The following CHD1L variants were observed in gnomAD, a reference collection of about 807,000 sequenced individuals.
The protein encoded by CHD1L is chromodomain helicase DNA binding protein 1 like.
In CHD1L, 118 loss-of-function variants were observed where a neutral mutation model predicts 115.9. The ratio of observed to expected loss-of-function variants is 1.02; its 90% CI spans 0.88 to 1.19. The LOEUF (loss-of-function observed/expected upper bound fraction) is 1.19. Among genes scored for constraint, CHD1L ranks in the 50% most tolerant of loss-of-function variants. The pLI is 0.00. For synonymous variants in CHD1L, 411 were observed against 387.1 expected, an observed-to-expected ratio of 1.06 and a Z score of -0.72; for missense variants, 1,179 against 1,065.3, an observed-to-expected ratio of 1.11 and a Z score of -1.49.
intron 19 of CHD1L, among the ~76,000 whole-genome samples, chr1:147,288,016 C>T (rs915543415): frequency 6.6e-6 from 1 of 151,966 alleles, no homozygotes; most frequent in Non-Finnish European, 1.5e-5. Flanking sequence ...AATGTTGATC[C>T]CTGCATACAT....
chr1:147,261,253 AATTT>A (rs1671813489), intron 6 of CHD1L, among the ~76,000 whole-genome samples: 4 of 152,254 alleles, frequency 2.6e-5, no homozygotes, highest in Admixed American at 2.6e-4. Flanking sequence ...TATGAGCAGA[AATTT>A]ATTTATCACC....
the CHD1L span, among the ~76,000 whole-genome samples, chr1:147,232,073 C>T: frequency 1.3e-5 from 2 of 152,172 alleles, no homozygotes; most frequent in Admixed American, 1.3e-4. Context: ...ATCTTGGCTC[C>T]ACCCCCCAGA....
chr1:147,286,729 A>T (rs1683290255), intron 18 of CHD1L, among the ~76,000 whole-genome samples: 1 of 152,184 alleles, frequency 6.6e-6, no homozygotes. Flanking sequence ...TATCCATATG[A>T]TGGGACAATA....
chr1:147,232,556 C>T, the CHD1L span, among the ~76,000 whole-genome samples: 2,600 of 151,300 alleles, frequency 0.017, 77 homozygotes, highest in African/African-American at 0.06. Flanking sequence ...CGAGCCGAAG[C>T]TGGACTGTAC....
intron 1 of CHD1L, among the ~76,000 whole-genome samples, chr1:147,250,918 T>C (rs980124227): frequency 2.0e-5 from 3 of 152,082 alleles, no homozygotes; most frequent in African/African-American, 7.2e-5. Context: ...ATGGGGTCAG[T>C]TCCCCCATAT....
the CHD1L span, among the ~76,000 whole-genome samples, chr1:147,192,002 T>C: frequency 1.3e-5 from 2 of 152,130 alleles, no homozygotes; most frequent in Non-Finnish European, 2.9e-5. Flanking sequence ...GGGCTCTTTT[T>C]TGGTTCCATA....
In CHD1L at chr1:147,295,539, A is replaced by G; in HGVS notation, c.*30A>G. The G allele has an allele frequency of 6.7e-7, 1 of 1,499,242 alleles. No individual in the cohort carries two copies. Among genetic ancestry groups the G allele is most frequent in the East Asian group, 2.3e-5 (1 of 44,240 alleles). The allele number at this position is 1,499,242 out of a possible 1,614,324, so 92.9% of individuals were successfully genotyped here. A position where few individuals can be genotyped will look rare whatever the true frequency, so the allele number is the denominator to read the frequency against. Reference sequence around the variant, plus strand: ...TGGCCCAGCCTCAGATCCTGTCTTTAGCAACCAGCTAATATTTACCCAGAG... The same window carrying G: ...TGGCCCAGCCTCAGATCCTGTCTTTGGCAACCAGCTAATATTTACCCAGAG... On this transcript the variant is annotated 3_prime_UTR_variant, in exon 23 of 23. Transcript: ENST00000369258.
chr1:147,201,566 G>A, the CHD1L span: 1 of 1,368,008 alleles, frequency 7.3e-7, no homozygotes, highest in East Asian at 2.3e-5. Flanking sequence ...TACCACATAA[G>A]TAAAATTTTG....
chr1:147,233,090 G>A, the CHD1L span, among the ~76,000 whole-genome samples: 1 of 151,762 alleles, frequency 6.6e-6, no homozygotes, highest in Non-Finnish European at 1.5e-5. Flanking sequence ...TCTGAGATGT[G>A]GGGAGTGCCT....
At chr1:147,257,423 T>C (rs1670495043) in intron 5 of CHD1L, among the ~76,000 whole-genome samples, 1 of 152,174 alleles carries the variant, frequency 6.6e-6, no homozygotes, top group Non-Finnish European at 1.5e-5. Context: ...ATTATCTTAT[T>C]TTTCTTAAGA....
At chr1:147,272,492 G>C in intron 12 of CHD1L, 1 of 419,892 alleles carries the variant, frequency 2.4e-6, no homozygotes, top group East Asian at 3.8e-5. Context: ...CTGAAACCTG[G>C]GGTTATTGGA....
the CHD1L span, among the ~76,000 whole-genome samples, chr1:147,174,118 T>C: frequency 6.6e-6 from 1 of 152,100 alleles, no homozygotes; most frequent in Non-Finnish European, 1.5e-5. Flanking sequence ...TATTCTTTGC[T>C]CTGCCTCTTA....
Position 147,264,428 on chromosome 1 carries a change from G to A in CHD1L, c.583G>A (p.Val195Ile). 1.2e-6 allele frequency: 2 copies of A among 1,605,416 alleles called. No individual in the cohort carries two copies. The highest frequency in any genetic ancestry group is 8.5e-7 in the Non-Finnish European group (1 of 1,175,454). The change falls in exon 7 of 23, where the codon GTA (valine) becomes ATA (isoleucine). Residue 195 changes from valine (V) to isoleucine (I), a missense_variant. Physicochemically the swap from Val to Ile is conservative, Grantham distance 29. Transcript: ENST00000369258. ...LLHKTLSEFSVVFSLLLTGTP... is the reference protein window; with the variant it reads ...LLHKTLSEFSIVFSLLLTGTP... Reference sequence around the variant, plus strand: ...ATTTATTTATGTATTTGAGTTCTCAGTAGTCTTCAGTCTCCTGTTGACCGG... The same window carrying A: ...ATTTATTTATGTATTTGAGTTCTCAATAGTCTTCAGTCTCCTGTTGACCGG...
intron 6 of CHD1L, among the ~76,000 whole-genome samples, chr1:147,264,056 A>T (rs1230568479): frequency 2.0e-5 from 3 of 152,166 alleles, no homozygotes; most frequent in Admixed American, 2.0e-4. Flanking sequence ...TGTGTCTCAG[A>T]TACCTCAGTA....
chr1:147,242,668 C>A, upstream of CHD1L: 1 of 1,263,052 alleles, frequency 7.9e-7, no homozygotes, highest in East Asian at 3.0e-5. Flanking sequence ...GGGAGGTGCG[C>A]GCTTGGCCGC....
the CHD1L span, among the ~76,000 whole-genome samples, chr1:147,205,789 G>T: frequency 6.6e-6 from 1 of 152,056 alleles, no homozygotes; most frequent in Non-Finnish European, 1.5e-5. Context: ...AGACTTAAAT[G>T]TTAGACCTAA....
At chr1:147,173,798 T>G in the CHD1L span, among the ~76,000 whole-genome samples, 1 of 152,206 alleles carries the variant, frequency 6.6e-6, no homozygotes, top group South Asian at 2.1e-4. Context: ...CAAGATCACA[T>G]TAAAGTGTGT....
At chr1:147,178,271 TCGCCCC>T in the CHD1L span, 1 of 1,613,674 alleles carries the variant, frequency 6.2e-7, no homozygotes, top group South Asian at 1.1e-5. Flanking sequence ...GTCGAGTTCT[TCGCCCC>T]CTGGTGTGGA....
chr1:147,249,404 A>ATTT (rs59773572), intron 1 of CHD1L, among the ~76,000 whole-genome samples: 6,629 of 93,916 alleles, frequency 0.071, 1,218 homozygotes, highest in African/African-American at 0.15. Flanking sequence ...CTTGGTGTGT[A>ATTT]TTTTTTTTTT....
Sources: gnomAD v4.1 joint callset for allele counts (sites outside exome capture counted in the v4.1 genomes callset) on GRCh38, gnomAD v4.1.1 for gene constraint, MANE v1.5 for transcripts, NCBI Gene and HGNC (gene_info 2026-07-23, HGNC 2026-07-21) for gene names.